GARRE1: variants seen among roughly 807,000 people sequenced by gnomAD.
The protein encoded by GARRE1 is granule associated Rac and RHOG effector protein 1.
Under a neutral mutation model 103.2 loss-of-function variants are expected in GARRE1, and 49 were observed. The ratio of observed to expected loss-of-function variants is 0.47; its 90% CI spans 0.38 to 0.60. The LOEUF (loss-of-function observed/expected upper bound fraction) is 0.60, where lower values mean the gene tolerates loss of function less well. Among genes scored for constraint, GARRE1 ranks in the 20% least tolerant of loss-of-function variants. GARRE1 has a pLI of 0.00. For missense variants in GARRE1, 1,199 were observed against 1,370.5 expected (o/e 0.87, Z 1.98); for synonymous variants, 505 against 532.8 (o/e 0.95, Z 0.72).
At chr19:34,264,619 T>C (rs373560484) in intron 1 of GARRE1, among the ~76,000 whole-genome samples, 55 of 152,218 alleles carry the variant, frequency 3.6e-4, no homozygotes, top group South Asian at 2.5e-3. Flanking sequence ...AGGATGGTCT[T>C]GATCTCCTGA....
chr19:34,278,076 A>G (rs1402313511), intron 1 of GARRE1, among the ~76,000 whole-genome samples: 3 of 152,080 alleles, frequency 2.0e-5, no homozygotes, highest in Non-Finnish European at 2.9e-5. Context: ...TATACATTTC[A>G]GTGGCATAAG....
intron 2 of GARRE1, among the ~76,000 whole-genome samples, chr19:34,305,035 G>A (rs372429083): frequency 3.3e-5 from 5 of 151,836 alleles, no homozygotes; most frequent in South Asian, 2.1e-4. Flanking sequence ...CTCGGGATCC[G>A]CCCGTCTCGG....
chr19:34,335,097 T>G (rs764905256), intron 8 of GARRE1, among the ~76,000 whole-genome samples: 3 of 152,016 alleles, frequency 2.0e-5, no homozygotes, highest in Non-Finnish European at 2.9e-5. Flanking sequence ...ATTGTTAAAT[T>G]GTTTTAGAAT....
chr19:34,330,828 G>A (rs2074134299), intron 7 of GARRE1, among the ~76,000 whole-genome samples: 1 of 148,750 alleles, frequency 6.7e-6, no homozygotes, highest in Non-Finnish European at 1.5e-5. Context: ...GCCGCCTTCT[G>A]GGCTCAAGTG....
At chr19:34,281,405 C>T (rs2145222576) in intron 1 of GARRE1, among the ~76,000 whole-genome samples, 1 of 152,346 alleles carries the variant, frequency 6.6e-6, no homozygotes, top group South Asian at 2.1e-4. Context: ...ATTTTCCTGC[C>T]TCAGCCTCCC....
chr19:34,258,768 C>A (rs894491919), intron 1 of GARRE1, among the ~76,000 whole-genome samples: 1 of 149,824 alleles, frequency 6.7e-6, no homozygotes, highest in African/African-American at 2.4e-5. Flanking sequence ...CCAGCCTGGG[C>A]GACAGAGTAA....
chr19:34,346,858 T>G (rs554474105), intron 10 of GARRE1, among the ~76,000 whole-genome samples: 2 of 152,208 alleles, frequency 1.3e-5, no homozygotes, highest in Admixed American at 6.5e-5. Context: ...CCTCAGGTAA[T>G]CCACCTGCCT....
In GARRE1 at chr19:34,339,766, G is replaced by A. The variant is rs1402557727; in HGVS notation, c.1362-101G>A. On this transcript the variant is annotated intron_variant, in intron 8 of 13. Transcript: ENST00000299505. ...TACAGTTACTGAATTTTTGCTGGGC[G>A]CCAGAGGTACATAAAAGTTGTAGCC... The A allele has an allele frequency of 1.3e-5, 18 of 1,433,228 alleles. 1 individual carries two copies. The South Asian group carries it at 1.5e-4, about 12-fold the overall frequency. 88.8% of individuals were successfully genotyped at this position (1,433,228 alleles called of 1,614,324 possible). A position where few individuals can be genotyped will look rare whatever the true frequency, so the allele number is the denominator to read the frequency against.
At chr19:34,310,634 A>G (rs189390068) in intron 2 of GARRE1, among the ~76,000 whole-genome samples, 110 of 149,032 alleles carry the variant, frequency 7.4e-4, no homozygotes, top group Middle Eastern at 3.4e-3. Context: ...ATAAATACAC[A>G]TGAGCTAGCT....
chr19:34,295,264 T>C (rs991179158), intron 1 of GARRE1, among the ~76,000 whole-genome samples: 2 of 152,176 alleles, frequency 1.3e-5, no homozygotes, highest in African/African-American at 4.8e-5. Flanking sequence ...TGGGACTCAG[T>C]CAAGTTAAAA....
intron 6 of GARRE1, among the ~76,000 whole-genome samples, chr19:34,329,236 C>T (rs1473192040): frequency 6.6e-6 from 1 of 152,212 alleles, no homozygotes; most frequent in African/African-American, 2.4e-5. Flanking sequence ...CTTATGTAAT[C>T]TGTTTCCAGA....
intron 7 of GARRE1, among the ~76,000 whole-genome samples, chr19:34,330,698 A>G (rs1012748338): frequency 2.0e-5 from 3 of 150,142 alleles, no homozygotes; most frequent in African/African-American, 7.4e-5. Context: ...GTTTGAAATC[A>G]GCCTGGGCAA....
intron 1 of GARRE1, among the ~76,000 whole-genome samples, chr19:34,294,461 G>A (rs1017023364): frequency 6.6e-5 from 10 of 151,636 alleles, no homozygotes; most frequent in East Asian, 1.9e-4. Context: ...ATAAAAAATC[G>A]TTGCTATCTT....
intron 1 of GARRE1, among the ~76,000 whole-genome samples, chr19:34,284,448 T>A (rs1451556743): frequency 6.6e-6 from 1 of 152,140 alleles, no homozygotes. Flanking sequence ...AAGCATGTCC[T>A]TTATTGCCTG....
chr19:34,262,078 G>A (rs868399734), intron 1 of GARRE1, among the ~76,000 whole-genome samples: 37 of 152,000 alleles, frequency 2.4e-4, no homozygotes, highest in African/African-American at 8.2e-4. Flanking sequence ...CTGCCTCCCT[G>A]GGTTCAAGCG....
chr19:34,306,347 C>T (rs2074007446), intron 2 of GARRE1, among the ~76,000 whole-genome samples: 1 of 152,218 alleles, frequency 6.6e-6, no homozygotes, highest in African/African-American at 2.4e-5. Flanking sequence ...AAGGATGATC[C>T]TGTCCCCTTG....
Position 34,320,092 on chromosome 19 carries a change from G to A in GARRE1, c.681G>A (p.Val227=), listed in dbSNP as rs777213658. The stretch of plus-strand genomic sequence containing the variant: ...ACACACCTGAAGTAGAGGAAGCTGT[G>A]CGGTCCTGGCGGGGGGCTGCTGAGG... ...MGHTPEVEEA[V]RSWRGAAEAT... is the part of the protein sequence containing the mutation. The change falls in exon 3 of 14, where the codon GTG becomes GTA. Residue 227 remains valine (V), a synonymous_variant. Transcript: ENST00000299505. The A allele has an allele frequency of 2.5e-6, 4 of 1,614,092 alleles. No individual in the cohort carries two copies. In the South Asian group the frequency reaches 4.4e-5, roughly 18 times the overall value.
chr19:34,329,993 G>C (rs971993683), intron 6 of GARRE1, among the ~76,000 whole-genome samples, 196 bp from the exon 7 acceptor site: 1 of 152,188 alleles, frequency 6.6e-6, no homozygotes, highest in Admixed American at 6.5e-5. Flanking sequence ...CTTGAAGCAG[G>C]AGAATCACAT....
At chr19:34,280,163 C>T (rs1415634233) in intron 1 of GARRE1, among the ~76,000 whole-genome samples, 1 of 152,080 alleles carries the variant, frequency 6.6e-6, no homozygotes, top group Admixed American at 6.6e-5. Flanking sequence ...CACTTTTAAA[C>T]AACCAGGTCT....
Sources: gnomAD v4.1 joint callset for allele counts (sites outside exome capture counted in the v4.1 genomes callset) on GRCh38, gnomAD v4.1.1 for gene constraint, MANE v1.5 for transcripts, NCBI Gene and HGNC (gene_info 2026-07-23, HGNC 2026-07-21) for gene names.